PROM1: variants seen among roughly 807,000 people sequenced by gnomAD.
PROM1 encodes the protein prominin-1.
In PROM1, 105 loss-of-function variants were observed where a neutral mutation model predicts 116.9. That is an observed-to-expected ratio of 0.90 (90% CI 0.77 to 1.06). PROM1 has a LOEUF of 1.06. Ranked by LOEUF, PROM1 falls within the 50% of genes least tolerant of loss-of-function variation. PROM1 has a pLI of 0.00. For synonymous variants in PROM1, 393 were observed against 387.0 expected (o/e 1.02, Z -0.18); for missense variants, 1,122 against 1,045.2 (o/e 1.07, Z -1.01).
At chr4:16,040,309 C>T (rs1456156623) in intron 2 of PROM1, among the ~76,000 whole-genome samples, 1 of 152,126 alleles carries the variant, frequency 6.6e-6, no homozygotes, top group African/African-American at 2.4e-5. Flanking sequence ...ACCCAGGGAA[C>T]CCCAATAGTT....
intron 17 of PROM1, among the ~76,000 whole-genome samples, 175 bp downstream of exon 17, chr4:15,992,073 T>A (rs1721189857): frequency 6.6e-6 from 1 of 151,544 alleles, no homozygotes; most frequent in African/African-American, 2.4e-5. Context: ...CTACAGGAAC[T>A]ACAGAAGTAG....
chr4:16,010,886 G>A (rs1726729496), intron 11 of PROM1, among the ~76,000 whole-genome samples: 2 of 152,210 alleles, frequency 1.3e-5, no homozygotes, highest in Non-Finnish European at 2.9e-5. Context: ...AGTGTCAGGT[G>A]TTTGGGTGTG....
In PROM1 at chr4:15,979,451, A is replaced by G; in HGVS notation, c.2526T>C (p.Gly842=). Residue 842 remains glycine (G), a synonymous_variant, in exon 26 of 28, where the codon GGT becomes GGC. Coordinates refer to ENST00000447510, the MANE Select transcript of PROM1 (RefSeq NM_006017.3). ...CATGATCTTTATGATAACCATTATT[A>G]CCATTTTCCATACTGTAACAGAAAT... is the stretch of plus-strand genomic sequence containing the variant. The part of the protein sequence containing the change: ...ETIPMKNMEN[G]NNGYHKDHVY... The G allele has an allele frequency of 6.2e-7, 1 of 1,610,932 alleles. No individual in the cohort carries two copies. The highest frequency in any genetic ancestry group is 1.1e-5 in the South Asian group (1 of 90,458).
In PROM1 at chr4:15,968,399, G is replaced by C. The variant is rs1397035213; in HGVS notation, c.*994C>G. Reference sequence around the variant, plus strand: ...ATGACAGATCCAACATGAAACTCCTGAAGCAAATGAATATTTACCTTGTGC... The same window carrying C: ...ATGACAGATCCAACATGAAACTCCTCAAGCAAATGAATATTTACCTTGTGC... On this transcript the variant is annotated 3_prime_UTR_variant, in exon 28 of 28. Coordinates refer to ENST00000447510, the MANE Select transcript of PROM1 (RefSeq NM_006017.3). 1 of 152,160 alleles carries C rather than the reference G, an allele frequency of 6.6e-6. No individual in the cohort carries two copies. The highest frequency in any genetic ancestry group is 2.4e-5 in the African/African-American group (1 of 41,442). The allele number at this position is 152,160 out of a possible 1,614,324, so 9.4% of individuals were successfully genotyped here. A position where few individuals can be genotyped will look rare whatever the true frequency, so the allele number is the denominator to read the frequency against.
chr4:16,031,070 T>G (rs1452379940), intron 5 of PROM1, among the ~76,000 whole-genome samples: 2 of 152,044 alleles, frequency 1.3e-5, no homozygotes, highest in Admixed American at 6.6e-5. Flanking sequence ...ACCCAATATA[T>G]TGGAAACCGA....
intron 11 of PROM1, among the ~76,000 whole-genome samples, chr4:16,009,464 A>G (rs1726332455): frequency 6.6e-6 from 1 of 152,196 alleles, no homozygotes; most frequent in Non-Finnish European, 1.5e-5. Flanking sequence ...ACTGAGGTAG[A>G]TATTCTCATT....
intron 14 of PROM1, among the ~76,000 whole-genome samples, chr4:15,999,024 C>T (rs943767154): frequency 6.6e-6 from 1 of 151,990 alleles, no homozygotes; most frequent in African/African-American, 2.4e-5. Context: ...GCCACCACGC[C>T]GAGAACTCTT....
intron 7 of PROM1, among the ~76,000 whole-genome samples, 162 bp downstream of exon 7, chr4:16,024,133 A>G (rs1446506497): frequency 6.6e-6 from 1 of 152,232 alleles, no homozygotes; most frequent in Non-Finnish European, 1.5e-5. Context: ...TGAGGGCTAG[A>G]TTCTAATCGC....
intron 23 of PROM1, 30 bp downstream of exon 23, chr4:15,984,233 T>C: frequency 6.7e-7 from 1 of 1,486,890 alleles, no homozygotes; most frequent in Non-Finnish European, 9.3e-7. Flanking sequence ...ATGGATTCAT[T>C]GTGTCTTCTT....
chr4:16,006,105 G>A (rs768177084), intron 13 of PROM1, among the ~76,000 whole-genome samples: 1 of 152,182 alleles, frequency 6.6e-6, no homozygotes, highest in African/African-American at 2.4e-5. Context: ...CAAGTTTCTA[G>A]AATTTCAAGC....
chr4:16,083,888 C>A (rs1030646011), intron 1 of PROM1, 90 bp downstream of exon 1: 6 of 152,232 alleles, frequency 3.9e-5, no homozygotes, highest in Non-Finnish European at 7.3e-5. Context: ...GCCCGGGTGC[C>A]CGGGGGGACC....
chr4:15,980,699 C>T (rs1717640608), intron 23 of PROM1, among the ~76,000 whole-genome samples, 162 bp from the exon 24 acceptor site: 1 of 149,244 alleles, frequency 6.7e-6, no homozygotes, highest in African/African-American at 2.5e-5. Flanking sequence ...GGACCAGGCA[C>T]TGTGTGAAGT....
chr4:16,067,810 C>T (rs1443129429), intron 2 of PROM1, among the ~76,000 whole-genome samples: 1 of 152,164 alleles, frequency 6.6e-6, no homozygotes, highest in Non-Finnish European at 1.5e-5. Context: ...GCCTCTGAGG[C>T]CATGGTGACA....
intron 15 of PROM1, among the ~76,000 whole-genome samples, chr4:15,997,994 G>A (rs896500281): frequency 6.6e-6 from 1 of 152,178 alleles, no homozygotes; most frequent in African/African-American, 2.4e-5. Flanking sequence ...CTCTCCAACT[G>A]CATTGCCTTC....
In PROM1 at chr4:15,971,048, G is replaced by T; in HGVS notation, c.*19C>A. ...AATGAAAGCATCAAACTTACCTCAAGCAGTTTCAACATCAGCTATCAATGT... is the reference window on the plus strand; with the variant it reads ...AATGAAAGCATCAAACTTACCTCAATCAGTTTCAACATCAGCTATCAATGT... On this transcript the variant is annotated 3_prime_UTR_variant, in exon 27 of 28. Coordinates refer to ENST00000447510, the MANE Select transcript of PROM1 (RefSeq NM_006017.3). The T allele has an allele frequency of 6.3e-7, 1 of 1,581,714 alleles. No homozygotes were observed. The highest frequency in any genetic ancestry group is 1.2e-5 in the South Asian group (1 of 86,628).
Position 15,980,541 on chromosome 4 carries a change from G to GT in PROM1, c.2374-5_2374-4insA. ...CTATGCCAAACCAAAACAAATTCTAGGAAAAAAAAATCAGAAGAATTAAAT... is the reference window on the plus strand; with the variant it reads ...CTATGCCAAACCAAAACAAATTCTAGTGAAAAAAAAATCAGAAGAATTAAAT... On this transcript the variant is annotated splice_polypyrimidine_tract_variant and splice_region_variant and intron_variant, in intron 23 of 27. Coordinates refer to ENST00000447510, the MANE Select transcript of PROM1 (RefSeq NM_006017.3). 2 of 1,420,356 alleles carry GT rather than the reference G, an allele frequency of 1.4e-6. No homozygotes were observed. Among genetic ancestry groups the GT allele is most frequent in the Non-Finnish European group, 1.9e-6 (2 of 1,074,606 alleles). The allele number at this position is 1,420,356 out of a possible 1,614,324, so 88.0% of individuals were successfully genotyped here.
intron 5 of PROM1, among the ~76,000 whole-genome samples, chr4:16,032,140 C>G (rs953447532): frequency 2.9e-5 from 4 of 138,058 alleles, no homozygotes; most frequent in Admixed American, 7.0e-5. Flanking sequence ...GCTTGTGTCT[C>G]CTTCCTGATC....
intron 1 of PROM1, among the ~76,000 whole-genome samples, chr4:16,077,833 T>C (rs1560633865): frequency 6.6e-6 from 1 of 152,146 alleles, no homozygotes; most frequent in Non-Finnish European, 1.5e-5. Flanking sequence ...TGGAGATATA[T>C]CTTACTCTGC....
Position 16,006,688 on chromosome 4 carries a change from C to T in PROM1, c.1304G>A (p.Trp435Ter). 6.2e-7 allele frequency: 1 copy of T among 1,612,832 alleles called. No individual in the cohort carries two copies. Among genetic ancestry groups the T allele is most frequent in the Non-Finnish European group, 8.5e-7 (1 of 1,179,534 alleles). Residue 435 changes from tryptophan (W) to a stop codon, truncating the protein, a stop_gained and splice_region_variant, in exon 13 of 28, where the codon TGG becomes TAG. Transcript: ENST00000447510. LOFTEE classifies it high-confidence loss of function. ...AGAGCAGATGACCAGGCCACCCAGC[C>T]ACCTGGAGAGGCAAGCACAGTGTTA... ...PTLEEYDSYW[W>*]LGGLVICSLL...
Sources: allele counts gnomAD v4.1 joint callset (sites outside exome capture counted in the v4.1 genomes callset), GRCh38; gene constraint gnomAD v4.1.1; transcripts MANE v1.5; gene names NCBI Gene and HGNC (gene_info 2026-07-23, HGNC 2026-07-21).